The following GUCY1A2 variants were observed in gnomAD, a reference collection of about 807,000 sequenced individuals.
GUCY1A2 encodes guanylate cyclase soluble subunit alpha-2.
GUCY1A2 carries 27 observed loss-of-function variants against 63.5 expected under a neutral mutation model. The ratio of observed to expected loss-of-function variants is 0.43; its 90% CI spans 0.31 to 0.59. GUCY1A2 has a LOEUF of 0.59. Among genes scored for constraint, GUCY1A2 ranks in the 20% least tolerant of loss-of-function variants. The pLI is 0.11. For synonymous variants in GUCY1A2, 364 were observed against 343.5 expected (o/e 1.06, Z -0.66); for missense variants, 768 against 913.3 (o/e 0.84, Z 2.05).
At chr11:106,921,459 A>C (rs1056462810) in intron 4 of GUCY1A2, among the ~76,000 whole-genome samples, 2 of 152,132 alleles carry the variant, frequency 1.3e-5, no homozygotes, top group Admixed American at 6.6e-5. Flanking sequence ...TTTAAAAAAA[A>C]ACTGCTACTC....
At chr11:106,708,465 C>G in intron 7 of GUCY1A2, 47 bp downstream of exon 7, 1 of 1,527,066 alleles carries the variant, frequency 6.5e-7, no homozygotes, top group Non-Finnish European at 9.0e-7. Context: ...GCATAGCAGC[C>G]CAAAACAAAG....
chr11:106,845,841 TA>T (rs1295248404), intron 4 of GUCY1A2, among the ~76,000 whole-genome samples: 1 of 151,666 alleles, frequency 6.6e-6, no homozygotes, highest in African/African-American at 2.4e-5. Flanking sequence ...TCATATGGTC[TA>T]AAGTGTCACC....
chr11:106,924,170 C>A (rs923886711), intron 4 of GUCY1A2, among the ~76,000 whole-genome samples: 8 of 152,094 alleles, frequency 5.3e-5, no homozygotes, highest in African/African-American at 1.9e-4. Flanking sequence ...AATCTACTGG[C>A]AATTACTATA....
chr11:106,764,015 TTCATTTCTTCTATTTTTTATAAAAAGC>T (rs1864115292), intron 6 of GUCY1A2, among the ~76,000 whole-genome samples: 1 of 152,100 alleles, frequency 6.6e-6, no homozygotes, highest in Non-Finnish European at 1.5e-5. Context: ...CTACAAAAAG[TTCATTTCTTCTATTTTTTATAAAAAGC>T]TAATATTACA....
intron 4 of GUCY1A2, chr11:106,936,858 T>TAA: frequency 1.9e-6 from 1 of 520,964 alleles, no homozygotes; most frequent in Non-Finnish European, 3.4e-6. Flanking sequence ...AAAAGCCAAC[T>TAA]AAAAAATTAG....
intron 4 of GUCY1A2, chr11:106,826,338 T>A: frequency 7.2e-7 from 1 of 1,384,014 alleles, no homozygotes; most frequent in Non-Finnish European, 9.8e-7. Context: ...TATTGACTTG[T>A]GATTTTTCTG....
intron 3 of GUCY1A2, among the ~76,000 whole-genome samples, chr11:106,976,753 A>C (rs1428567176): frequency 6.6e-6 from 1 of 152,198 alleles, no homozygotes; most frequent in Non-Finnish European, 1.5e-5. Flanking sequence ...AAAAGTTACT[A>C]TTCATGGAAA....
At chr11:106,726,386 A>C (rs536607309) in intron 6 of GUCY1A2, among the ~76,000 whole-genome samples, 3 of 152,302 alleles carry the variant, frequency 2.0e-5, no homozygotes, top group African/African-American at 7.2e-5. Context: ...ATTGTACTCC[A>C]GCCTGGACGA....
At chr11:106,716,747 C>T (rs963736278) in intron 6 of GUCY1A2, among the ~76,000 whole-genome samples, 2 of 115,544 alleles carry the variant, frequency 1.7e-5, no homozygotes, top group Admixed American at 1.3e-4. Context: ...CCAGCCTGGG[C>T]GACAGAGCCA....
At chr11:106,936,008 A>G (rs537166757) in intron 4 of GUCY1A2, among the ~76,000 whole-genome samples, 1 of 152,252 alleles carries the variant, frequency 6.6e-6, no homozygotes, top group Admixed American at 6.5e-5. Flanking sequence ...GACATTAAAA[A>G]GATTTACTAA....
chr11:106,927,333 A>G (rs919565593), intron 4 of GUCY1A2, among the ~76,000 whole-genome samples: 5 of 151,606 alleles, frequency 3.3e-5, no homozygotes, highest in Admixed American at 3.3e-4. Flanking sequence ...AGATCGCGCT[A>G]CTGCACTCCA....
At chr11:106,925,178 A>G (rs1860505132) in intron 4 of GUCY1A2, among the ~76,000 whole-genome samples, 1 of 152,108 alleles carries the variant, frequency 6.6e-6, no homozygotes, top group Non-Finnish European at 1.5e-5. Flanking sequence ...AGAGACAGAG[A>G]GAAAGAAAGA....
chr11:106,715,091 G>A (rs550923013), intron 6 of GUCY1A2, among the ~76,000 whole-genome samples: 2 of 152,234 alleles, frequency 1.3e-5, no homozygotes, highest in Non-Finnish European at 2.9e-5. Flanking sequence ...TATATTCAAT[G>A]TATAAAATAA....
intron 4 of GUCY1A2, among the ~76,000 whole-genome samples, chr11:106,889,922 T>C (rs369962009): frequency 1.3e-5 from 2 of 152,198 alleles, no homozygotes; most frequent in Non-Finnish European, 1.5e-5. Context: ...TTACCAAAAT[T>C]GCAAGTTTGC....
chr11:106,909,614 ATCTT>A (rs1860264928), intron 4 of GUCY1A2, among the ~76,000 whole-genome samples: 5 of 151,796 alleles, frequency 3.3e-5, no homozygotes, highest in Non-Finnish European at 7.4e-5. Flanking sequence ...ACAGTATCTA[ATCTT>A]TCAGGGCTGT....
chr11:106,686,322 A>T lies in GUCY1A2; in HGVS notation c.*1227T>A, dbSNP rs1395851502. 4.5e-6 allele frequency: 1 copy of T among 219,788 alleles called. No individual in the cohort carries two copies. The highest frequency in any genetic ancestry group is 9.1e-6 in the Non-Finnish European group (1 of 109,566). 13.6% of individuals were successfully genotyped at this position (219,788 alleles called of 1,614,324 possible). ...ATTACTAGTTCTGAAGATTATACCT[A>T]CTTCAGTATTCATGAAAGTGATTCA... is the stretch of plus-strand genomic sequence containing the variant. On this transcript the variant is annotated 3_prime_UTR_variant, in exon 8 of 8. Transcript: ENST00000526355.
chr11:106,957,496 G>A (rs560881006), intron 3 of GUCY1A2, among the ~76,000 whole-genome samples: 1 of 151,926 alleles, frequency 6.6e-6, no homozygotes, highest in Non-Finnish European at 1.5e-5. Context: ...TTTCCCTAGC[G>A]CACTCACTCA....
At chr11:106,930,913 C>T (rs969653370) in intron 4 of GUCY1A2, among the ~76,000 whole-genome samples, 8 of 152,152 alleles carry the variant, frequency 5.3e-5, no homozygotes, top group Admixed American at 3.9e-4. Context: ...CAGAGGAAAA[C>T]TGTTATTTCA....
chr11:107,008,203 C>T (rs112568995), intron 1 of GUCY1A2, among the ~76,000 whole-genome samples: 27 of 144,806 alleles, frequency 1.9e-4, no homozygotes, highest in African/African-American at 2.5e-4. Context: ...CGCTGGAACC[C>T]GGTGGGCAGA....
Sources: gnomAD v4.1 joint callset for allele counts (sites outside exome capture counted in the v4.1 genomes callset) on GRCh38, gnomAD v4.1.1 for gene constraint, MANE v1.5 for transcripts, NCBI Gene and HGNC (gene_info 2026-07-23, HGNC 2026-07-21) for gene names.